RGS20: variants seen among roughly 807,000 people sequenced by gnomAD.
The protein encoded by RGS20 is gz-selective GTPase-activating protein.
In RGS20, 30 loss-of-function variants were observed where a neutral mutation model predicts 33.6. The observed-to-expected ratio is 0.89, with a 90% CI of 0.67 to 1.21. RGS20 has a LOEUF of 1.21. Among genes scored for constraint, RGS20 ranks in the 50% most tolerant of loss-of-function variants. The pLI, the probability that RGS20 is intolerant of heterozygous loss-of-function variation, is 0.00. For missense variants in RGS20, 472 were observed against 502.4 expected, an observed-to-expected ratio of 0.94 and a Z score of 0.58; for synonymous variants, 208 against 197.9, an observed-to-expected ratio of 1.05 and a Z score of -0.43.
At chr8:53,952,837 CTA>C (rs1345518961) in intron 4 of RGS20, among the ~76,000 whole-genome samples, 1 of 152,146 alleles carries the variant, frequency 6.6e-6, no homozygotes, top group African/African-American at 2.4e-5. Context: ...CATTATTAAG[CTA>C]TGTTTTCTGA....
chr8:53,917,761 T>C (rs1440527151), intron 2 of RGS20, among the ~76,000 whole-genome samples: 1 of 152,186 alleles, frequency 6.6e-6, no homozygotes. Flanking sequence ...AGAGACTGAC[T>C]CTGTCTCAGT....
intron 2 of RGS20, among the ~76,000 whole-genome samples, chr8:53,917,642 A>C (rs970731815): frequency 6.6e-6 from 1 of 152,174 alleles, no homozygotes; most frequent in Non-Finnish European, 1.5e-5. Context: ...AGTGTTTCAT[A>C]CCTGTTGTCC....
chr8:53,853,608 T>C (rs974845884), intron 1 of RGS20, among the ~76,000 whole-genome samples: 2 of 152,216 alleles, frequency 1.3e-5, no homozygotes, highest in African/African-American at 4.8e-5. Flanking sequence ...ATGTGCCTCA[T>C]CTAGCAAATG....
rs546717208 is a variant in RGS20, at chr8:53,936,976, CA to C, written c.511-2595del. Among the ~76,000 whole-genome samples, 99 of 152,204 alleles carry C rather than the reference CA, an allele frequency of 6.5e-4. No individual in the cohort carries two copies. In the East Asian group the frequency reaches 0.017, roughly 26 times the overall value. ...ACCATCTGATCTTTGACAAACCTGACAAAAACAAGCCATGGGGAAAGGATTC... is the reference window on the plus strand; with the variant it reads ...ACCATCTGATCTTTGACAAACCTGACAAAACAAGCCATGGGGAAAGGATTC... On this transcript the variant is annotated intron_variant, in intron 2 of 5. Coordinates refer to ENST00000297313, the MANE Select transcript of RGS20 (RefSeq NM_170587.4).
At chr8:53,912,371 C>A (rs1173851656) in intron 2 of RGS20, among the ~76,000 whole-genome samples, 1 of 128,184 alleles carries the variant, frequency 7.8e-6, no homozygotes, top group African/African-American at 3.1e-5. Context: ...TTTTTTTTTG[C>A]CAATTTTGTA....
At chr8:53,929,875 T>A (rs751761501) in intron 2 of RGS20, among the ~76,000 whole-genome samples, 2 of 151,630 alleles carry the variant, frequency 1.3e-5, no homozygotes, top group South Asian at 2.1e-4. Flanking sequence ...AAAATTAAAA[T>A]TTTTTTTAAT....
chr8:53,860,705 C>T (rs1029137428), intron 1 of RGS20, among the ~76,000 whole-genome samples: 1 of 152,236 alleles, frequency 6.6e-6, no homozygotes, highest in African/African-American at 2.4e-5. Flanking sequence ...GTGGGTCACA[C>T]CTCTAATCCC....
At chr8:53,889,320 T>C (rs1812636181) in intron 2 of RGS20, among the ~76,000 whole-genome samples, 2 of 151,882 alleles carry the variant, frequency 1.3e-5, no homozygotes, top group Non-Finnish European at 2.9e-5. Flanking sequence ...TATATGTTTT[T>C]GGGTCAAGTC....
chr8:53,857,765 C>T (rs1253793450), intron 1 of RGS20, among the ~76,000 whole-genome samples: 1 of 152,066 alleles, frequency 6.6e-6, no homozygotes, highest in Non-Finnish European at 1.5e-5. Context: ...AAATATAATG[C>T]AAATATTCCA....
chr8:53,941,974 C>T (rs781672453), intron 3 of RGS20, among the ~76,000 whole-genome samples: 28 of 151,956 alleles, frequency 1.8e-4, no homozygotes, highest in Non-Finnish European at 2.1e-4. Flanking sequence ...AATCAATTCC[C>T]ACCTTAAAAA....
chr8:53,852,130 T>C, intron 1 of RGS20: 1 of 1,435,318 alleles, frequency 7.0e-7, no homozygotes, highest in African/African-American at 1.4e-5. Flanking sequence ...AGAAAGAATA[T>C]AAAACTATAC....
intron 1 of RGS20, among the ~76,000 whole-genome samples, chr8:53,864,074 G>GA (rs1295747043): frequency 6.6e-6 from 1 of 151,864 alleles, no homozygotes; most frequent in African/African-American, 2.4e-5. Flanking sequence ...TGGTTGCTTT[G>GA]AAAAAATCAA....
At chr8:53,935,273 A>T (rs1814096591) in intron 2 of RGS20, among the ~76,000 whole-genome samples, 1 of 152,188 alleles carries the variant, frequency 6.6e-6, no homozygotes, top group Non-Finnish European at 1.5e-5. Flanking sequence ...GCAGAACTGA[A>T]GGAGGACACC....
At chr8:53,906,867 A>G (rs1358672021) in intron 2 of RGS20, among the ~76,000 whole-genome samples, 1 of 152,144 alleles carries the variant, frequency 6.6e-6, no homozygotes, top group African/African-American at 2.4e-5. Flanking sequence ...CTAAGGTAAA[A>G]TCATAGCATC....
chr8:53,869,911 C>G (rs749479776), intron 1 of RGS20, among the ~76,000 whole-genome samples: 1 of 152,014 alleles, frequency 6.6e-6, no homozygotes, highest in Non-Finnish European at 1.5e-5. Flanking sequence ...GAGGGTTCTC[C>G]TTTGCAATGG....
chr8:53,882,107 C>G (rs796123906), intron 2 of RGS20, among the ~76,000 whole-genome samples: 7 of 152,126 alleles, frequency 4.6e-5, no homozygotes, highest in African/African-American at 1.7e-4. Context: ...CCAGCTCGGG[C>G]GGAGGAGCCC....
intron 2 of RGS20, among the ~76,000 whole-genome samples, chr8:53,916,037 A>T (rs567252880): frequency 1.2e-3 from 180 of 151,960 alleles, no homozygotes; most frequent in Admixed American, 3.3e-3. Flanking sequence ...GCAAATATTC[A>T]TCCGAGGACA....
chr8:53,932,821 T>C (rs1411953557), intron 2 of RGS20, among the ~76,000 whole-genome samples: 1 of 152,190 alleles, frequency 6.6e-6, no homozygotes, highest in Non-Finnish European at 1.5e-5. Flanking sequence ...CTGTGCCTCC[T>C]GACTGGGAGA....
At chr8:53,930,741 G>T (rs1178470848) in intron 2 of RGS20, among the ~76,000 whole-genome samples, 1 of 151,834 alleles carries the variant, frequency 6.6e-6, no homozygotes, top group African/African-American at 2.4e-5. Context: ...CAGAGACAGG[G>T]TTTTACCATG....
Sources: allele counts gnomAD v4.1 joint callset (sites outside exome capture counted in the v4.1 genomes callset), GRCh38; gene constraint gnomAD v4.1.1; transcripts MANE v1.5; gene names NCBI Gene and HGNC (gene_info 2026-07-23, HGNC 2026-07-21).